Variants in CCDC33 observed in about 807,000 individuals in gnomAD.
CCDC33 encodes the protein coiled-coil domain-containing protein 33.
A neutral mutation model predicts 91.9 loss-of-function variants in CCDC33; 94 were observed. The observed-to-expected ratio is 1.02, with a 90% CI of 0.87 to 1.21. The LOEUF is 1.21. Ranked by LOEUF, CCDC33 falls within the 50% of genes most tolerant of loss-of-function variation. The pLI is 0.00. For synonymous variants in CCDC33, 396 were observed against 374.5 expected, an observed-to-expected ratio of 1.06 and a Z score of -0.66; for missense variants, 940 against 935.5, an observed-to-expected ratio of 1.00 and a Z score of -0.06.
chr15:74,316,927 C>A lies in CCDC33; in HGVS notation c.1291-13262C>A, dbSNP rs2060098111. On this transcript the variant is annotated intron_variant, in intron 11 of 18. Coordinates refer to ENST00000398814, the MANE Select transcript of CCDC33 (RefSeq NM_025055.5). This position sits in a 1 kb window ranked among gnomAD's most constrained non-coding sequence, Gnocchi z 4.7. ...AGGTTAAGTGACCTGTCCAAAGTCA[C>A]ACAGCTGCTTAGTAACAGAGCCCAC... 6.6e-6 allele frequency among the ~76,000 whole-genome samples: 1 copy of A among 152,234 alleles called. No individual in the cohort carries two copies. The highest frequency in any genetic ancestry group is 2.4e-5 in the African/African-American group (1 of 41,446).
At chr15:74,294,631 C>T (rs759641604) in intron 10 of CCDC33, among the ~76,000 whole-genome samples, 9 of 151,516 alleles carry the variant, frequency 5.9e-5, no homozygotes, top group Non-Finnish European at 1.0e-4. Context: ...CCTGTAGTCC[C>T]AGCTACTCAG....
At chr15:74,222,336 G>T (rs946239108) in intron 2 of CCDC33, among the ~76,000 whole-genome samples, 16 of 152,102 alleles carry the variant, frequency 1.1e-4, no homozygotes, top group Non-Finnish European at 1.8e-4. Context: ...CATCCTGGGG[G>T]CTCCCTCGCT....
chr15:74,209,248 C>T, intron 1 of CCDC33: 2 of 1,151,560 alleles, frequency 1.7e-6, no homozygotes, highest in Non-Finnish European at 1.2e-6. Flanking sequence ...TTGCTCGAAA[C>T]TTGATCTCCT....
At chr15:74,232,960 T>C (rs914088121), upstream of CCDC33, among the ~76,000 whole-genome samples, 1 of 152,124 alleles carries the variant, frequency 6.6e-6, no homozygotes, top group Admixed American at 6.5e-5. Context: ...CAGGCCCACT[T>C]GCCCTCTTCT....
At chr15:74,311,514 T>C (rs141439394) in intron 11 of CCDC33, 51 of 152,286 alleles carry the variant, frequency 3.3e-4, no homozygotes, top group African/African-American at 1.2e-3. Context: ...TTTAACAAAG[T>C]TGGAGTTATT....
At chr15:74,306,813 A>G (rs755958550) in intron 11 of CCDC33, among the ~76,000 whole-genome samples, 6 of 152,146 alleles carry the variant, frequency 3.9e-5, no homozygotes, top group East Asian at 1.9e-4. Flanking sequence ...CTCCGGGCAG[A>G]GGCCACCCAG....
Position 74,318,248 on chromosome 15 carries a change from C to T in CCDC33, c.1291-11941C>T, listed in dbSNP as rs544384375. On this transcript the variant is annotated intron_variant, in intron 11 of 18. Transcript: ENST00000398814. The stretch of plus-strand genomic sequence containing the variant: ...AGGAGGCAGAGAAAGTGGAGAAGAG[C>T]GGAGGGAGTTGAGGGGGAGGCAGGA... 9.1e-4 allele frequency among the ~76,000 whole-genome samples: 138 copies of T among 151,600 alleles called. 1 individual carries two copies. The highest frequency in any genetic ancestry group is 4.7e-3 in the East Asian group (24 of 5,152).
At chr15:74,238,774 G>C (rs969816692) in intron 1 of CCDC33, among the ~76,000 whole-genome samples, 28 of 152,110 alleles carry the variant, frequency 1.8e-4, no homozygotes, top group Admixed American at 3.3e-4. Context: ...ATGAGTTCAG[G>C]GGGGCATCCA....
At chr15:74,222,966 A>G (rs896115030) in intron 2 of CCDC33, among the ~76,000 whole-genome samples, 1 of 151,692 alleles carries the variant, frequency 6.6e-6, no homozygotes, top group African/African-American at 2.4e-5. Context: ...ATTGCTCGCG[A>G]TTGCATACAC....
chr15:74,268,856 T>C (rs2142412381), intron 5 of CCDC33, among the ~76,000 whole-genome samples: 1 of 152,344 alleles, frequency 6.6e-6, no homozygotes, highest in African/African-American at 2.4e-5. Flanking sequence ...TTTCCTGCTC[T>C]ATTCTTCCCC....
At chr15:74,326,797 G>A (rs2142852769) in intron 11 of CCDC33, among the ~76,000 whole-genome samples, 2 of 152,332 alleles carry the variant, frequency 1.3e-5, no homozygotes, top group South Asian at 4.1e-4. Flanking sequence ...GTGGGGAGGG[G>A]GCTGGAGGGG....
chr15:74,328,904 G>A (rs2060367370), intron 11 of CCDC33, among the ~76,000 whole-genome samples: 2 of 152,234 alleles, frequency 1.3e-5, no homozygotes, highest in South Asian at 2.1e-4. Flanking sequence ...CAGCCACAGG[G>A]GCTCAGCAAA....
In CCDC33 at chr15:74,279,992, G is replaced by A. The variant is rs1404922457; in HGVS notation, c.789G>A (p.Gln263=). The change falls in exon 8 of 19, where the codon CAG becomes CAA. Residue 263 remains glutamine (Q), a synonymous_variant. Coordinates refer to ENST00000398814, the MANE Select transcript of CCDC33 (RefSeq NM_025055.5). ...CCAAGCCTGGGGGACCCCCAGAGCA[G>A]CCCCTGTGGAATCAGTCCTTCCTCT... ...QLSKPGGPPE[Q]PLWNQSFLFQ... 6.2e-7 allele frequency: 1 copy of A among 1,614,132 alleles called. No homozygotes were observed. The highest frequency in any genetic ancestry group is 8.5e-7 in the Non-Finnish European group (1 of 1,179,998).
chr15:74,321,567 C>A (rs1362487265), intron 11 of CCDC33, among the ~76,000 whole-genome samples: 2 of 151,944 alleles, frequency 1.3e-5, no homozygotes, highest in Non-Finnish European at 2.9e-5. Context: ...GCCCGGTGTA[C>A]TTTTTGTATT....
chr15:74,321,179 T>C (rs2060199579), intron 11 of CCDC33, among the ~76,000 whole-genome samples: 1 of 152,192 alleles, frequency 6.6e-6, no homozygotes, highest in South Asian at 2.1e-4. Flanking sequence ...CAGCATCAAT[T>C]TGCCAGCTGA....
intron 2 of CCDC33, among the ~76,000 whole-genome samples, chr15:74,257,926 C>T (rs1359802205): frequency 6.6e-6 from 1 of 152,222 alleles, no homozygotes; most frequent in Non-Finnish European, 1.5e-5. Context: ...GTCTGGCAGC[C>T]TCTTGGACTT....
rs2059895582 is a variant in CCDC33 at position 74,306,449 on chromosome 15, C to A, written c.1290+10501C>A. Among the ~76,000 whole-genome samples the A allele has an allele frequency of 1.3e-5, 2 of 152,188 alleles. 1 individual carries two copies. The highest frequency in any genetic ancestry group is 1.3e-4 in the Admixed American group (2 of 15,282). Reference sequence around the variant, plus strand: ...CGGTTAGCATGAAACCATAACAGATCTTTGATTTGTTGGTGGAAGGGAAAT... The same window carrying A: ...CGGTTAGCATGAAACCATAACAGATATTTGATTTGTTGGTGGAAGGGAAAT... On this transcript the variant is annotated intron_variant, in intron 11 of 18. Transcript: ENST00000398814.
chr15:74,214,614 T>C (rs1266927987), upstream of CCDC33, among the ~76,000 whole-genome samples: 1 of 152,220 alleles, frequency 6.6e-6, no homozygotes. Flanking sequence ...AATTCACTGA[T>C]GTTTCCAGAT....
intron 10 of CCDC33, among the ~76,000 whole-genome samples, chr15:74,288,884 C>T (rs878965011): frequency 2.0e-5 from 3 of 152,192 alleles, no homozygotes; most frequent in Admixed American, 2.0e-4. Flanking sequence ...TCACTGTTCT[C>T]ATCCATAAAA....
Sources: allele counts gnomAD v4.1 joint callset (sites outside exome capture counted in the v4.1 genomes callset), GRCh38; gene constraint gnomAD v4.1.1; non-coding constraint Gnocchi (gnomAD v3.1); transcripts MANE v1.5; gene names NCBI Gene and HGNC (gene_info 2026-07-23, HGNC 2026-07-21).